TDRD3: variants seen among roughly 807,000 people sequenced by gnomAD.
TDRD3 encodes tudor domain containing 3.
A neutral mutation model predicts 86.7 loss-of-function variants in TDRD3; 45 were observed. That is an observed-to-expected ratio of 0.52 (90% CI 0.41 to 0.67). The LOEUF (loss-of-function observed/expected upper bound fraction) is 0.67. TDRD3 is among the 30% of genes least tolerant of loss of function. The probability of loss-of-function intolerance (pLI) is 0.00; values close to 1 mark genes in which losing one functional copy is unlikely to be tolerated. For missense variants in TDRD3, 814 were observed against 889.0 expected, an observed-to-expected ratio of 0.92 and a Z score of 1.07; for synonymous variants, 298 against 301.7, an observed-to-expected ratio of 0.99 and a Z score of 0.13.
chr13:60,416,422 T>A (rs1412114971), intron 1 of TDRD3, among the ~76,000 whole-genome samples: 1 of 152,246 alleles, frequency 6.6e-6, no homozygotes, highest in East Asian at 1.9e-4. Flanking sequence ...CTTAGTGCTA[T>A]TTCCAAAGCA....
intron 1 of TDRD3, among the ~76,000 whole-genome samples, chr13:60,424,146 C>T (rs1458446570): frequency 2.0e-5 from 3 of 151,924 alleles, no homozygotes; most frequent in Admixed American, 1.3e-4. Flanking sequence ...CTTAGCCTCC[C>T]GAGTAGCTGG....
chr13:60,418,500 T>C (rs367702272), intron 1 of TDRD3, among the ~76,000 whole-genome samples: 2 of 152,278 alleles, frequency 1.3e-5, no homozygotes, highest in South Asian at 4.1e-4. Flanking sequence ...ATCTTTGAAT[T>C]CTTGGGACTA....
chr13:60,494,461 T>C lies in TDRD3; in HGVS notation c.744T>C (p.Gly248=), dbSNP rs374021676. The change falls in exon 8 of 14, where the codon GGT becomes GGC. Residue 248 remains glycine (G), a synonymous_variant. Transcript: ENST00000377881. ...CCAAGACATTTGGAGGAGGTGGTGGTGGTGCTAGAAGTAATCTCAATATGA... is the reference window on the plus strand; with the variant it reads ...CCAAGACATTTGGAGGAGGTGGTGGCGGTGCTAGAAGTAATCTCAATATGA... The part of the protein sequence containing the change: ...KETKTFGGGG[G]GARSNLNMNA... The C allele has an allele frequency of 1.3e-4, 207 of 1,613,424 alleles. No homozygotes were observed. Among genetic ancestry groups the C allele is most frequent in the Non-Finnish European group, 1.7e-4 (200 of 1,179,680 alleles).
intron 10 of TDRD3, among the ~76,000 whole-genome samples, chr13:60,520,102 C>T (rs1246494019): frequency 2.0e-5 from 3 of 152,096 alleles, no homozygotes; most frequent in Non-Finnish European, 2.9e-5. Context: ...TGTTTGAACA[C>T]TGGGCATCAT....
chr13:60,461,239 T>C (rs529399370), intron 4 of TDRD3, among the ~76,000 whole-genome samples: 9 of 152,136 alleles, frequency 5.9e-5, no homozygotes, highest in Non-Finnish European at 1.3e-4. Flanking sequence ...CAGAGTTTTA[T>C]AGGCTAATAA....
At chr13:60,551,228 A>G (rs754541857) in intron 12 of TDRD3, among the ~76,000 whole-genome samples, 4 of 152,204 alleles carry the variant, frequency 2.6e-5, no homozygotes, top group Admixed American at 6.5e-5. Flanking sequence ...TACCTTGGGA[A>G]AGATATAGAA....
intron 13 of TDRD3, among the ~76,000 whole-genome samples, chr13:60,569,628 G>A (rs1000038966): frequency 6.6e-6 from 1 of 152,104 alleles, no homozygotes; most frequent in Non-Finnish European, 1.5e-5. Context: ...GTTATCCTGA[G>A]CATAAAGAAG....
chr13:60,428,131 T>C (rs1173885628), intron 1 of TDRD3, among the ~76,000 whole-genome samples: 4 of 151,762 alleles, frequency 2.6e-5, no homozygotes, highest in Admixed American at 2.0e-4. Flanking sequence ...GGCCTTTTAC[T>C]TTTCTGTGTG....
rs544894014 is a variant in TDRD3, at chr13:60,469,943, G to A, written c.495+2564G>A. 1.5e-4 allele frequency among the ~76,000 whole-genome samples: 23 copies of A among 152,230 alleles called. No homozygotes were observed. In the South Asian group the frequency reaches 4.6e-3, roughly 30 times the overall value. On this transcript the variant is annotated intron_variant, in intron 5 of 13. Transcript: ENST00000377881. ...TAAATGTAAATTTCAGTGGCATTAA[G>A]AACATTCGCATTGTTGCACAGCTGG...
At chr13:60,512,397 T>A (rs912221192) in intron 10 of TDRD3, among the ~76,000 whole-genome samples, 3 of 151,928 alleles carry the variant, frequency 2.0e-5, no homozygotes, top group African/African-American at 7.3e-5. Flanking sequence ...CTCCCAAATA[T>A]CATGTCCTCA....
chr13:60,404,086 G>C (rs1954170421), intron 1 of TDRD3, among the ~76,000 whole-genome samples: 2 of 152,172 alleles, frequency 1.3e-5, no homozygotes, highest in South Asian at 4.1e-4. Context: ...ACTTGGGAAG[G>C]TTGGAAGCCT....
intron 12 of TDRD3, among the ~76,000 whole-genome samples, chr13:60,563,036 C>T (rs1253286942): frequency 6.6e-6 from 1 of 151,966 alleles, no homozygotes; most frequent in African/African-American, 2.4e-5. Context: ...CAAGACCAGC[C>T]TGGACAACAT....
At position 60,435,081 on chromosome 13, in the gene TDRD3, T is replaced by A. The variant is rs977088829; in HGVS notation, c.42-4607T>A. 5.9e-5 allele frequency among the ~76,000 whole-genome samples: 9 copies of A among 152,262 alleles called. No homozygotes were observed. The South Asian group carries it at 1.9e-3, about 32-fold the overall frequency. ...AAAAATGAAAAGATTAATTTGTAAA[T>A]CCCAAATTATTGTTAATTTAGGCTC... On this transcript the variant is annotated intron_variant, in intron 1 of 13. Transcript: ENST00000377881.
chr13:60,397,599 G>A (rs2137775707), intron 1 of TDRD3, among the ~76,000 whole-genome samples, 194 bp downstream of exon 1: 1 of 148,528 alleles, frequency 6.7e-6, no homozygotes, highest in East Asian at 2.0e-4. Flanking sequence ...AGGTCCCCTG[G>A]AGGCGGCGGC....
Position 60,535,217 on chromosome 13 carries a change from T to G in TDRD3, c.2102T>G (p.Ile701Ser). The change falls in exon 12 of 14, where the codon ATT becomes AGT. Residue 701 changes from isoleucine (I) to serine (S), a missense_variant. Transcript: ENST00000377881. ...GTGCTACTGAGCAATATCAAGCCCATTCAAACAGAGGCATGGGTACGTGAT... is the reference window on the plus strand; with the variant it reads ...GTGCTACTGAGCAATATCAAGCCCAGTCAAACAGAGGCATGGGTACGTGAT... ...EEVLLSNIKP[I>S]QTEAWEEEGT... The G allele has an allele frequency of 6.2e-7, 1 of 1,613,496 alleles. No homozygotes were observed. Among genetic ancestry groups the G allele is most frequent in the Non-Finnish European group, 8.5e-7 (1 of 1,179,658 alleles).
rs138618410 is a variant in TDRD3, at chr13:60,557,206, CAAAAAA to C, written c.2119-10303_2119-10298del. Among the ~76,000 whole-genome samples, 109 of 117,774 alleles carry C rather than the reference CAAAAAA, an allele frequency of 9.3e-4. 1 individual carries two copies. The highest frequency in any genetic ancestry group is 1.9e-3 in the African/African-American group (54 of 28,670). 77.3% of individuals were successfully genotyped at this position (117,774 alleles called of 152,430 possible). A position where few individuals can be genotyped will look rare whatever the true frequency, so the allele number is the denominator to read the frequency against. ...GGGCAACAAGAGCGAAACTCTGTCT[CAAAAAA>C]AAAAAAAAAAAAAAAGTAGTTCCTG... On this transcript the variant is annotated intron_variant, in intron 12 of 13. Transcript: ENST00000377881.
intron 1 of TDRD3, among the ~76,000 whole-genome samples, chr13:60,400,133 TA>T: frequency 6.6e-6 from 1 of 152,350 alleles, no homozygotes; most frequent in African/African-American, 2.4e-5. Context: ...AATAATGCAC[TA>T]AATGGTACCT....
At chr13:60,463,900 T>C (rs1955857297) in intron 4 of TDRD3, among the ~76,000 whole-genome samples, 1 of 152,164 alleles carries the variant, frequency 6.6e-6, no homozygotes, top group African/African-American at 2.4e-5. Context: ...TCCCCAGTGT[T>C]GGAGGTGGGG....
At chr13:60,496,003 T>C (rs989868500) in intron 8 of TDRD3, among the ~76,000 whole-genome samples, 6 of 151,872 alleles carry the variant, frequency 4.0e-5, no homozygotes, top group African/African-American at 9.7e-5. Context: ...CCAAAGGAGA[T>C]TAACATTTGA....
Sources: gnomAD v4.1 joint callset for allele counts (sites outside exome capture counted in the v4.1 genomes callset) on GRCh38, gnomAD v4.1.1 for gene constraint, MANE v1.5 for transcripts, NCBI Gene and HGNC (gene_info 2026-07-23, HGNC 2026-07-21) for gene names.